The following ANKS1A variants were observed in gnomAD, a reference collection of about 807,000 sequenced individuals.
ANKS1A encodes the protein ankyrin repeat and SAM domain-containing protein 1A.
ANKS1A carries 55 observed loss-of-function variants against 120.3 expected under a neutral mutation model. The ratio of observed to expected loss-of-function variants is 0.46; its 90% CI spans 0.37 to 0.57. ANKS1A has a LOEUF of 0.57. Among genes scored for constraint, ANKS1A ranks in the 20% least tolerant of loss-of-function variants. The pLI is 0.00. For missense variants in ANKS1A, 1,123 were observed against 1,480.3 expected, an observed-to-expected ratio of 0.76 and a Z score of 3.96; for synonymous variants, 590 against 604.7, an observed-to-expected ratio of 0.98 and a Z score of 0.36.
rs555165748 is a variant in ANKS1A, at chr6:35,081,356, G to A, written c.2709+198G>A. ...ACCCAGCACCCATGGTGCCGAGCTC[G>A]GGCCGCACAACTCACTTTAGCTGTC... On this transcript the variant is annotated intron_variant, in intron 17 of 23. Transcript: ENST00000360359. Among the ~76,000 whole-genome samples the A allele has an allele frequency of 2.1e-4, 32 of 152,276 alleles. 1 individual carries two copies. The highest frequency in any genetic ancestry group is 9.8e-4 in the Admixed American group (15 of 15,298).
chr6:35,071,511 G>GGGTGTAATGAGGCA, intron 13 of ANKS1A, among the ~76,000 whole-genome samples: 1 of 152,136 alleles, frequency 6.6e-6, no homozygotes, highest in Non-Finnish European at 1.5e-5. Flanking sequence ...ACAGGGAGGA[G>GGGTGTAATGAGGCA]GGTGTAATGA....
intron 10 of ANKS1A, among the ~76,000 whole-genome samples, chr6:35,000,570 G>A (rs548312359): frequency 6.1e-4 from 93 of 152,012 alleles, no homozygotes; most frequent in African/African-American, 2.0e-3. Flanking sequence ...TAAATTAACC[G>A]GTTGTTTAAA....
Position 35,083,020 on chromosome 6 carries a change from CCAG to C in ANKS1A, c.2836-133_2836-131del, listed in dbSNP as rs943103267. On this transcript the variant is annotated intron_variant, in intron 18 of 23. Transcript: ENST00000360359. ...CTAGGGAGTTGAATGGAGGGTCTCT[CCAG>C]CTGGGGCAGGAGAGGGGGTGTTGTT... 25 of 1,293,392 alleles carry C rather than the reference CCAG, an allele frequency of 1.9e-5. No individual in the cohort carries two copies. The Admixed American group carries it at 5.4e-4, about 28-fold the overall frequency. 80.1% of individuals were successfully genotyped at this position (1,293,392 alleles called of 1,614,324 possible).
intron 20 of ANKS1A, 60 bp downstream of exon 20, chr6:35,083,563 G>A (rs1777801078): frequency 1.9e-6 from 3 of 1,544,060 alleles, no homozygotes; most frequent in Middle Eastern, 1.7e-4. Context: ...CAGACCCACA[G>A]GGCTCCAGGG....
intron 10 of ANKS1A, among the ~76,000 whole-genome samples, chr6:35,010,581 C>T (rs1773711399): frequency 6.6e-6 from 1 of 152,194 alleles, no homozygotes; most frequent in Non-Finnish European, 1.5e-5. Context: ...TTCTAGGTGG[C>T]TGTGAACCTG....
At position 34,895,780 on chromosome 6, in the gene ANKS1A, C is replaced by CTTTTTTTTTT. The variant is rs995285475; in HGVS notation, c.197+6197_197+6206dup. On this transcript the variant is annotated intron_variant, in intron 1 of 23. Transcript: ENST00000360359. Reference sequence around the variant, plus strand: ...AAAATAGTTTTTCAAGAATGTCTTTCTTTTTTTTTTTTTTTTTTTTTTTTT... The same window carrying CTTTTTTTTTT: ...AAAATAGTTTTTCAAGAATGTCTTTCTTTTTTTTTTTTTTTTTTTTTTTTTTTTTTTTTTT... Among the ~76,000 whole-genome samples the CTTTTTTTTTT allele has an allele frequency of 9.0e-4, 81 of 90,382 alleles. 5 individuals carry two copies. Among genetic ancestry groups the CTTTTTTTTTT allele is most frequent in the African/African-American group, 2.1e-3 (45 of 21,928 alleles). The allele number at this position is 90,382 out of a possible 152,430, so 59.3% of individuals were successfully genotyped here. A position where few individuals can be genotyped will look rare whatever the true frequency, so the allele number is the denominator to read the frequency against.
In ANKS1A at chr6:35,084,374, A is replaced by G. The variant is rs1777853505; in HGVS notation, c.3132+116A>G. 2.8e-6 allele frequency: 4 copies of G among 1,411,314 alleles called. No individual in the cohort carries two copies. The South Asian group carries it at 5.7e-5, about 20-fold the overall frequency. 87.4% of individuals were successfully genotyped at this position (1,411,314 alleles called of 1,614,324 possible). On this transcript the variant is annotated intron_variant, in intron 21 of 23. Coordinates refer to ENST00000360359, the MANE Select transcript of ANKS1A (RefSeq NM_015245.3). The surrounding 1 kb of genome is among the most constrained non-coding windows in gnomAD (Gnocchi z 4.8). ...CTGGCCCCTGGCCAGTGCCTGGCAAATGTTTGGTTCATGAATGGAGCCCAG... is the reference window on the plus strand; with the variant it reads ...CTGGCCCCTGGCCAGTGCCTGGCAAGTGTTTGGTTCATGAATGGAGCCCAG...
At chr6:35,074,298 G>C (rs1777230701) in intron 13 of ANKS1A, among the ~76,000 whole-genome samples, 2 of 152,194 alleles carry the variant, frequency 1.3e-5, no homozygotes, top group South Asian at 4.1e-4. Context: ...CTCATAATCA[G>C]GTAGAAAGTC....
At chr6:35,088,462 G>T in intron 23 of ANKS1A, 144 bp from the exon 24 acceptor site, 1 of 1,020,024 alleles carries the variant, frequency 9.8e-7, no homozygotes, top group Non-Finnish European at 1.5e-6. Context: ...GCAGGCTGTG[G>T]GTGCTCAAAG....
Position 35,054,104 on chromosome 6 carries a change from G to A in ANKS1A, c.2016G>A (p.Glu672=). 2 of 1,613,836 alleles carry A rather than the reference G, an allele frequency of 1.2e-6. No homozygotes were observed. Among genetic ancestry groups the A allele is most frequent in the Non-Finnish European group, 8.5e-7 (1 of 1,179,768 alleles). The change falls in exon 12 of 24, where the codon GAG becomes GAA. Residue 672 remains glutamate, a synonymous_variant. Coordinates refer to ENST00000360359, the MANE Select transcript of ANKS1A (RefSeq NM_015245.3). ...TGTTCTTTCTTCCATTTCAGATTGA[G>A]AAAATCATGAGTTCTATTGGAGAAG... ...PSFASEWDEI[E]KIMSSIGEGI...
chr6:34,945,413 A>G (rs1030938520), intron 1 of ANKS1A, among the ~76,000 whole-genome samples: 4 of 152,176 alleles, frequency 2.6e-5, no homozygotes, highest in African/African-American at 4.8e-5. Flanking sequence ...TGAAAGGTAT[A>G]AGGTCTGTGT....
At position 35,086,079 on chromosome 6, in the gene ANKS1A, C is replaced by A; in HGVS notation, c.3303+143C>A. 1 of 1,311,270 alleles carries A rather than the reference C, an allele frequency of 7.6e-7. No individual in the cohort carries two copies. The highest frequency in any genetic ancestry group is 1.0e-6 in the Non-Finnish European group (1 of 983,206). The allele number at this position is 1,311,270 out of a possible 1,614,324, so 81.2% of individuals were successfully genotyped here. On this transcript the variant is annotated intron_variant, in intron 22 of 23. Coordinates refer to ENST00000360359, the MANE Select transcript of ANKS1A (RefSeq NM_015245.3). This position sits in a 1 kb window ranked among gnomAD's most constrained non-coding sequence, Gnocchi z 5.1. ...AATGACCCTCTTAATTGTCCCCCAA[C>A]CCTGCCAGGTCTCGCCCCTGGAAAG...
At position 34,964,849 on chromosome 6, in the gene ANKS1A, G is replaced by A. The variant is rs534792812; in HGVS notation, c.198-2390G>A. On this transcript the variant is annotated intron_variant, in intron 1 of 23. Coordinates refer to ENST00000360359, the MANE Select transcript of ANKS1A (RefSeq NM_015245.3). Reference sequence around the variant, plus strand: ...AATTTACCAGTTTAAACTCATACCAGTGGTGTTTAAGAGTGCTTGTTTTCC... The same window carrying A: ...AATTTACCAGTTTAAACTCATACCAATGGTGTTTAAGAGTGCTTGTTTTCC... 3.9e-5 allele frequency among the ~76,000 whole-genome samples: 6 copies of A among 152,338 alleles called. No individual in the cohort carries two copies. The South Asian group carries it at 1.2e-3, about 32-fold the overall frequency.
chr6:35,016,882 C>G (rs1356188555), intron 10 of ANKS1A, among the ~76,000 whole-genome samples: 1 of 149,850 alleles, frequency 6.7e-6, no homozygotes, highest in East Asian at 2.0e-4. Context: ...ATTTCTCTGC[C>G]GTTTTGTTTC....
chr6:34,912,074 C>G (rs1427711619), intron 1 of ANKS1A, among the ~76,000 whole-genome samples: 1 of 152,208 alleles, frequency 6.6e-6, no homozygotes, highest in African/African-American at 2.4e-5. Context: ...TTTATGAAAG[C>G]TGAGTATGTG....
chr6:35,012,276 T>C (rs147007317), intron 10 of ANKS1A, among the ~76,000 whole-genome samples: 8 of 152,320 alleles, frequency 5.3e-5, no homozygotes, highest in African/African-American at 1.9e-4. Flanking sequence ...ATTTCTCAGG[T>C]TGCCGTGGAC....
intron 13 of ANKS1A, among the ~76,000 whole-genome samples, chr6:35,070,054 G>A (rs1292852564): frequency 1.3e-5 from 2 of 150,604 alleles, no homozygotes; most frequent in East Asian, 2.0e-4. Flanking sequence ...GAGACTGGGT[G>A]TCTCACAATG....
intron 12 of ANKS1A, among the ~76,000 whole-genome samples, chr6:35,055,988 C>G (rs991975840): frequency 1.3e-5 from 2 of 152,206 alleles, no homozygotes; most frequent in African/African-American, 2.4e-5. Flanking sequence ...AGGACTGAGA[C>G]AAACACTGTT....
chr6:35,068,291 C>T (rs957528644), intron 13 of ANKS1A, among the ~76,000 whole-genome samples: 3 of 151,600 alleles, frequency 2.0e-5, no homozygotes, highest in Non-Finnish European at 2.9e-5. Context: ...AGAAATCCAT[C>T]ACGTTCTTAG....
Sources: allele counts gnomAD v4.1 joint callset (sites outside exome capture counted in the v4.1 genomes callset), GRCh38; gene constraint gnomAD v4.1.1; non-coding constraint Gnocchi (gnomAD v3.1); transcripts MANE v1.5; gene names NCBI Gene and HGNC (gene_info 2026-07-23, HGNC 2026-07-21).